PACRGL: variants seen among roughly 807,000 people sequenced by gnomAD.
PACRGL encodes the protein parkin coregulated like, also known as PACRG-like protein.
PACRGL carries 38 observed loss-of-function variants against 34.5 expected under a neutral mutation model. The observed-to-expected ratio is 1.10, with a 90% CI of 0.85 to 1.44. The LOEUF (loss-of-function observed/expected upper bound fraction) is 1.44. Among genes scored for constraint, PACRGL ranks in the 40% most tolerant of loss-of-function variants. PACRGL has a pLI of 0.00. For missense variants in PACRGL, 305 were observed against 281.4 expected (o/e 1.08, Z -0.60); for synonymous variants, 128 against 100.1 (o/e 1.28, Z -1.66).
At chr4:20,743,242 C>G (rs1372881031) in intron 8 of PACRGL, among the ~76,000 whole-genome samples, 1 of 152,156 alleles carries the variant, frequency 6.6e-6, no homozygotes, top group East Asian at 1.9e-4. Context: ...CTACCAATGA[C>G]TTTCTTCACA....
At chr4:20,734,356 A>T (rs1749075886), downstream of PACRGL, among the ~76,000 whole-genome samples, 1 of 152,150 alleles carries the variant, frequency 6.6e-6, no homozygotes, top group Admixed American at 6.5e-5. Context: ...TTTCTATCTG[A>T]TTCCAACCAT....
At chr4:20,715,306 G>A (rs1166933376) in intron 7 of PACRGL, among the ~76,000 whole-genome samples, 1 of 152,026 alleles carries the variant, frequency 6.6e-6, no homozygotes, top group South Asian at 2.1e-4. Flanking sequence ...ATAGCATTAG[G>A]AGATATACCT....
Position 20,731,512 on chromosome 4 carries a change from G to T in PACRGL, c.*4171G>T. On this transcript the variant is annotated 3_prime_UTR_variant, in exon 9 of 9. Coordinates refer to ENST00000503585, the MANE Select transcript of PACRGL (RefSeq NM_001258345.3). ...TTTCCACTGTTTATTTTTTGTGACT[G>T]AAGACCATTAGTGAGTTCAGTCAAA... is the stretch of plus-strand genomic sequence containing the variant. The T allele has an allele frequency of 3.0e-6, 3 of 985,346 alleles. No homozygotes were observed. The highest frequency in any genetic ancestry group is 3.6e-6 in the Non-Finnish European group (3 of 829,918). 61.0% of individuals were successfully genotyped at this position (985,346 alleles called of 1,614,324 possible).
At chr4:20,763,814 T>C in the PACRGL span, among the ~76,000 whole-genome samples, 1 of 152,188 alleles carries the variant, frequency 6.6e-6, no homozygotes, top group Non-Finnish European at 1.5e-5. Context: ...TGCCTTGGCC[T>C]GCCAAAGTGC....
chr4:20,697,711 G>A (rs895962170), upstream of PACRGL, among the ~76,000 whole-genome samples: 1 of 152,114 alleles, frequency 6.6e-6, no homozygotes, highest in Non-Finnish European at 1.5e-5. Flanking sequence ...CATGGTTCTG[G>A]AGGCTGGAAA....
chr4:20,706,796 G>A (rs961417638), intron 3 of PACRGL, among the ~76,000 whole-genome samples: 7 of 151,828 alleles, frequency 4.6e-5, no homozygotes, highest in South Asian at 2.1e-4. Flanking sequence ...GGATGGTCTC[G>A]ATCTCCTGAC....
At chr4:20,734,826 C>A, downstream of PACRGL, 1 of 629,168 alleles carries the variant, frequency 1.6e-6, no homozygotes, top group East Asian at 3.2e-5. Context: ...CTACAACCCT[C>A]TGGATCTTGA....
intron 8 of PACRGL, among the ~76,000 whole-genome samples, chr4:20,744,420 A>C (rs1411678087): frequency 6.6e-6 from 1 of 152,146 alleles, no homozygotes; most frequent in African/African-American, 2.4e-5. Flanking sequence ...GATTAAGAAA[A>C]TATGGCACTA....
At chr4:20,703,147 A>G (rs1310711172) in intron 1 of PACRGL, among the ~76,000 whole-genome samples, 1 of 152,202 alleles carries the variant, frequency 6.6e-6, no homozygotes, top group African/African-American at 2.4e-5. Context: ...AAGAAGAAAA[A>G]ATGAAGGAGT....
rs1372139613 is a variant in PACRGL at position 20,728,573 on chromosome 4, A to G, written c.*1232A>G. On this transcript the variant is annotated 3_prime_UTR_variant, in exon 9 of 9. Coordinates refer to ENST00000503585, the MANE Select transcript of PACRGL (RefSeq NM_001258345.3). ...GTACTGTAAGATTTAATTAATTACA[A>G]AATTTCTTGGAAAAGACCTGTAACA... The G allele has an allele frequency of 6.6e-6, 1 of 152,564 alleles. No homozygotes were observed. The highest frequency in any genetic ancestry group is 1.5e-5 in the Non-Finnish European group (1 of 68,028). The allele number at this position is 152,564 out of a possible 1,614,324, so 9.5% of individuals were successfully genotyped here.
At chr4:20,725,053 G>A (rs1745043629) in intron 8 of PACRGL, among the ~76,000 whole-genome samples, 165 bp downstream of exon 8, 1 of 151,930 alleles carries the variant, frequency 6.6e-6, no homozygotes. Flanking sequence ...TCTGTCTCTA[G>A]GTCACACTGT....
At position 20,704,647 on chromosome 4, in the gene PACRGL, TG is replaced by T. The variant is rs750739213; in HGVS notation, c.53-12del. ...TTGTACCTGGTTTCTATTGATGTTC[TG>T]TTTTTTTCCAGGTAACTATGATCAA... On this transcript the variant is annotated splice_polypyrimidine_tract_variant and intron_variant, in intron 2 of 8. Coordinates refer to ENST00000503585, the MANE Select transcript of PACRGL (RefSeq NM_001258345.3). 1 of 1,614,018 alleles carries T rather than the reference TG, an allele frequency of 6.2e-7. No individual in the cohort carries two copies. Among genetic ancestry groups the T allele is most frequent in the Admixed American group, 1.7e-5 (1 of 60,028 alleles).
downstream of PACRGL, chr4:20,734,788 C>CA (rs370525081): frequency 3.0e-4 from 280 of 919,064 alleles, no homozygotes; most frequent in East Asian, 9.6e-4. Flanking sequence ...AAAACAAAAA[C>CA]AAAAAAAACA....
downstream of PACRGL, among the ~76,000 whole-genome samples, chr4:20,733,421 C>G (rs1748827864): frequency 6.6e-6 from 1 of 152,154 alleles, no homozygotes; most frequent in Non-Finnish European, 1.5e-5. Flanking sequence ...TCTCTAATAA[C>G]TTAAACATTT....
intron 1 of PACRGL, among the ~76,000 whole-genome samples, chr4:20,703,606 GA>G (rs1214201548): frequency 6.6e-6 from 1 of 151,532 alleles, no homozygotes; most frequent in Non-Finnish European, 1.5e-5. Flanking sequence ...TCCATTAGCA[GA>G]AAAAAAGCAA....
At chr4:20,709,885 C>T (rs1008744173) in intron 5 of PACRGL, 112 bp downstream of exon 5, 2 of 789,428 alleles carry the variant, frequency 2.5e-6, no homozygotes, top group Non-Finnish European at 4.2e-6. Flanking sequence ...AAAAACGAAG[C>T]ACACAATAGG....
downstream of PACRGL, among the ~76,000 whole-genome samples, chr4:20,755,640 G>A (rs940832621): frequency 7.2e-5 from 11 of 152,074 alleles, no homozygotes; most frequent in Non-Finnish European, 4.4e-5. Context: ...CTCGAGTGCC[G>A]AAAAGAGACA....
intron 8 of PACRGL, among the ~76,000 whole-genome samples, chr4:20,726,414 C>T (rs189396634): frequency 2.6e-5 from 4 of 151,944 alleles, no homozygotes; most frequent in Non-Finnish European, 4.4e-5. Flanking sequence ...CTTCTTATAT[C>T]CTACATAATA....
At chr4:20,751,882 G>T (rs1190072719) in intron 8 of PACRGL, among the ~76,000 whole-genome samples, 1 of 152,054 alleles carries the variant, frequency 6.6e-6, no homozygotes, top group Non-Finnish European at 1.5e-5. Context: ...TCCCAGTCTA[G>T]ACAATCTATG....
Sources: gnomAD v4.1 joint callset for allele counts (sites outside exome capture counted in the v4.1 genomes callset) on GRCh38, gnomAD v4.1.1 for gene constraint, MANE v1.5 for transcripts, NCBI Gene and HGNC (gene_info 2026-07-23, HGNC 2026-07-21) for gene names.